Variants in SUGCT observed in about 807,000 individuals in gnomAD.
SUGCT encodes succinyl-CoA:glutarate CoA-transferase.
In SUGCT, 41 loss-of-function variants were observed where a neutral mutation model predicts 55.0. That is an observed-to-expected ratio of 0.74 (90% CI 0.58 to 0.97). The LOEUF (loss-of-function observed/expected upper bound fraction) is 0.97, where lower values mean the gene tolerates loss of function less well. Ranked by LOEUF, SUGCT falls within the 50% of genes least tolerant of loss-of-function variation. The pLI, the probability that SUGCT is intolerant of heterozygous loss-of-function variation, is 0.00. For missense variants in SUGCT, 568 were observed against 547.8 expected, an observed-to-expected ratio of 1.04 and a Z score of -0.37; for synonymous variants, 187 against 200.4, an observed-to-expected ratio of 0.93 and a Z score of 0.56.
intron 13 of SUGCT, among the ~76,000 whole-genome samples, chr7:40,809,417 T>C (rs532376196): frequency 1.3e-5 from 2 of 152,172 alleles, no homozygotes; most frequent in East Asian, 3.9e-4. Flanking sequence ...TATATACAAG[T>C]GTGTGTGTGT....
chr7:40,902,286 A>G, the SUGCT span, among the ~76,000 whole-genome samples: 3 of 152,190 alleles, frequency 2.0e-5, no homozygotes, highest in South Asian at 6.2e-4. Context: ...TCAATTAAAA[A>G]AATCAAAACC....
intron 6 of SUGCT, among the ~76,000 whole-genome samples, chr7:40,214,183 A>T (rs539566586): frequency 3.0e-4 from 46 of 152,306 alleles, no homozygotes; most frequent in African/African-American, 1.1e-3. Flanking sequence ...TCTTACTGAT[A>T]GAGTTTAAAA....
chr7:40,506,338 T>C (rs1045634995), intron 12 of SUGCT, among the ~76,000 whole-genome samples: 3 of 152,106 alleles, frequency 2.0e-5, no homozygotes, highest in South Asian at 2.1e-4. Flanking sequence ...CTGACTTCCA[T>C]TGTGTTTGAT....
At chr7:40,900,331 C>G in the SUGCT span, among the ~76,000 whole-genome samples, 26 of 152,170 alleles carry the variant, frequency 1.7e-4, no homozygotes, top group African/African-American at 5.3e-4. Flanking sequence ...GCCTGACTTC[C>G]CGGCAATGTT....
chr7:40,746,750 C>T (rs981071643), intron 12 of SUGCT, among the ~76,000 whole-genome samples: 1 of 152,146 alleles, frequency 6.6e-6, no homozygotes, highest in African/African-American at 2.4e-5. Context: ...TTACCAACTA[C>T]CCTTTCACGT....
At chr7:40,211,657 G>T (rs1787340499) in intron 6 of SUGCT, among the ~76,000 whole-genome samples, 1 of 152,178 alleles carries the variant, frequency 6.6e-6, no homozygotes, top group Non-Finnish European at 1.5e-5. Context: ...TGGACGTGTG[G>T]CCCAGACACA....
chr7:40,973,730 A>G, the SUGCT span, among the ~76,000 whole-genome samples: 1 of 152,160 alleles, frequency 6.6e-6, no homozygotes, highest in African/African-American at 2.4e-5. Flanking sequence ...CTTTTTATTT[A>G]TTCTTCAGTT....
At chr7:40,416,785 G>C (rs187704924) in intron 9 of SUGCT, among the ~76,000 whole-genome samples, 133 of 152,042 alleles carry the variant, frequency 8.7e-4, no homozygotes, top group Non-Finnish European at 1.1e-3. Flanking sequence ...AAACAAATTA[G>C]AAGGCTTTCT....
chr7:40,597,135 C>T (rs1023076245), intron 12 of SUGCT, among the ~76,000 whole-genome samples: 1 of 152,112 alleles, frequency 6.6e-6, no homozygotes, highest in Non-Finnish European at 1.5e-5. Context: ...TTTTTGTTAT[C>T]CTAATGAATC....
intron 12 of SUGCT, among the ~76,000 whole-genome samples, chr7:40,667,962 A>G (rs1303421756): frequency 6.6e-6 from 1 of 152,196 alleles, no homozygotes; most frequent in Admixed American, 6.5e-5. Flanking sequence ...AGAAAAAATT[A>G]TAAGGATATT....
chr7:40,779,182 C>T (rs543419193), intron 13 of SUGCT, among the ~76,000 whole-genome samples: 73 of 152,214 alleles, frequency 4.8e-4, no homozygotes, highest in Admixed American at 4.6e-4. Context: ...GAATCAACTC[C>T]CCTCAATGAC....
At chr7:40,927,831 C>T in the SUGCT span, among the ~76,000 whole-genome samples, 3 of 152,014 alleles carry the variant, frequency 2.0e-5, no homozygotes, top group South Asian at 2.1e-4. Flanking sequence ...TGCCTGAGCT[C>T]GTATGTTTGT....
At chr7:40,825,708 C>G (rs935524288) in intron 13 of SUGCT, among the ~76,000 whole-genome samples, 5 of 152,198 alleles carry the variant, frequency 3.3e-5, no homozygotes, top group Middle Eastern at 6.8e-3. Context: ...GGCAGGCGAC[C>G]CATTCTCCTC....
intron 13 of SUGCT, among the ~76,000 whole-genome samples, chr7:40,838,926 A>C (rs1038950378): frequency 6.5e-5 from 9 of 138,724 alleles, no homozygotes; most frequent in African/African-American, 2.4e-4. Flanking sequence ...AGTGCCCTCT[A>C]TTCTTCCTTT....
chr7:40,777,996 C>A (rs1789549177), intron 13 of SUGCT, among the ~76,000 whole-genome samples: 1 of 152,158 alleles, frequency 6.6e-6, no homozygotes, highest in Non-Finnish European at 1.5e-5. Context: ...ACAGCGGCCA[C>A]CCCAGCAACG....
chr7:40,285,213 A>G (rs1793241982), intron 8 of SUGCT, among the ~76,000 whole-genome samples: 1 of 152,188 alleles, frequency 6.6e-6, no homozygotes, highest in South Asian at 2.1e-4. Context: ...AGTTCAAGAT[A>G]TAAAAGAAAT....
intron 12 of SUGCT, among the ~76,000 whole-genome samples, chr7:40,503,474 G>T (rs376981881): frequency 2.0e-5 from 3 of 152,052 alleles, no homozygotes; most frequent in East Asian, 1.9e-4. Flanking sequence ...CAATAATGGG[G>T]CTAGCAAAAA....
Position 40,860,323 on chromosome 7 carries a change from T to C in SUGCT, c.1161T>C (p.Ala387=). The change falls in exon 14 of 14, where the codon GCT becomes GCC. Residue 387 remains alanine, a synonymous_variant. Coordinates refer to ENST00000335693, the MANE Select transcript of SUGCT (RefSeq NM_001193313.2). ...TVGKISVPGP[A]VRYSKFKMSE... ...TTCCTTCTCCTTTGGCAGGCCCAGC[T>C]GTGAGATACAGTAAGTTCAAGATGT... 1 of 1,613,972 alleles carries C rather than the reference T, an allele frequency of 6.2e-7. No homozygotes were observed. The highest frequency in any genetic ancestry group is 8.5e-7 in the Non-Finnish European group (1 of 1,179,852).
the SUGCT span, among the ~76,000 whole-genome samples, chr7:40,990,020 T>C: frequency 6.6e-6 from 1 of 152,222 alleles, no homozygotes; most frequent in Non-Finnish European, 1.5e-5. Flanking sequence ...GAATTACAAA[T>C]GTTCTTAATG....
Sources: allele counts gnomAD v4.1 joint callset (sites outside exome capture counted in the v4.1 genomes callset), GRCh38; gene constraint gnomAD v4.1.1; transcripts MANE v1.5; gene names NCBI Gene and HGNC (gene_info 2026-07-23, HGNC 2026-07-21).